ARHGEF10: variants seen among roughly 807,000 people sequenced by gnomAD.
ARHGEF10 encodes the protein Rho guanine nucleotide exchange factor 10.
A neutral mutation model predicts 147.4 loss-of-function variants in ARHGEF10; 140 were observed. That is an observed-to-expected ratio of 0.95 (90% CI 0.83 to 1.09). The LOEUF (loss-of-function observed/expected upper bound fraction) is 1.09, where lower values mean the gene tolerates loss of function less well. Ranked by LOEUF, ARHGEF10 falls within the 50% of genes least tolerant of loss-of-function variation. The pLI is 0.00. For synonymous variants in ARHGEF10, 902 were observed against 695.8 expected, an observed-to-expected ratio of 1.30 and a Z score of -4.67; for missense variants, 2,222 against 1,752.7, an observed-to-expected ratio of 1.27 and a Z score of -4.78.
intron 2 of ARHGEF10, among the ~76,000 whole-genome samples, chr8:1,844,393 T>C (rs1804351189): frequency 6.6e-6 from 1 of 152,040 alleles, no homozygotes; most frequent in African/African-American, 2.4e-5. Context: ...CGGGGCCTGG[T>C]AGATGACAGA....
At chr8:1,915,643 G>C (rs866985263) in intron 18 of ARHGEF10, among the ~76,000 whole-genome samples, 2 of 152,212 alleles carry the variant, frequency 1.3e-5, no homozygotes, top group Admixed American at 1.3e-4. Flanking sequence ...CGCCTTCTCC[G>C]TCACTGTGTC....
chr8:1,830,006 C>T (rs1015587786), intron 1 of ARHGEF10, among the ~76,000 whole-genome samples: 1 of 152,166 alleles, frequency 6.6e-6, no homozygotes, highest in Non-Finnish European at 1.5e-5. Context: ...TTAGGTTCTC[C>T]AGTGTGCAGG....
In ARHGEF10 at chr8:1,855,031, T is replaced by C. The variant is rs74805768; in HGVS notation, c.38-2929T>C. Among the ~76,000 whole-genome samples the C allele has an allele frequency of 6.0e-3, 914 of 152,194 alleles. 3 individuals carry two copies. Among genetic ancestry groups the C allele is most frequent in the Non-Finnish European group, 9.7e-3 (659 of 67,992 alleles). On this transcript the variant is annotated intron_variant, in intron 2 of 28. Transcript: ENST00000349830. ...GCCTCGGTGTCTCCTCAGGGCTGTT[T>C]CCTGCACACACGGGCTCCTGTTCAC...
At chr8:1,838,384 C>CA (rs1193976460) in intron 1 of ARHGEF10, among the ~76,000 whole-genome samples, 1 of 152,200 alleles carries the variant, frequency 6.6e-6, no homozygotes, top group Non-Finnish European at 1.5e-5. Context: ...GCTGCAGAGT[C>CA]ATCCAGGCCA....
At chr8:1,855,305 C>T (rs1206054573) in intron 2 of ARHGEF10, among the ~76,000 whole-genome samples, 1 of 152,140 alleles carries the variant, frequency 6.6e-6, no homozygotes, top group Non-Finnish European at 1.5e-5. Context: ...ATATAAAAAT[C>T]TAGTGTGATT....
chr8:1,956,255 A>G (rs1815556957), intron 28 of ARHGEF10, among the ~76,000 whole-genome samples: 1 of 152,214 alleles, frequency 6.6e-6, no homozygotes, highest in African/African-American at 2.4e-5. Context: ...CCTAATTTTA[A>G]TCAAATTATA....
At chr8:1,918,297 G>A (rs1257258860) in intron 18 of ARHGEF10, among the ~76,000 whole-genome samples, 1 of 152,078 alleles carries the variant, frequency 6.6e-6, no homozygotes, top group African/African-American at 2.4e-5. Context: ...GTGCCCTGAG[G>A]TGCCCTATTA....
At chr8:1,951,642 A>G (rs971273582) in intron 27 of ARHGEF10, among the ~76,000 whole-genome samples, 2 of 152,198 alleles carry the variant, frequency 1.3e-5, no homozygotes, top group Non-Finnish European at 2.9e-5. Flanking sequence ...TTTTATATCT[A>G]CAGAAAAGAA....
At chr8:1,870,461 T>C (rs1240301511) in intron 7 of ARHGEF10, 1 of 152,134 alleles carries the variant, frequency 6.6e-6, no homozygotes, top group Non-Finnish European at 1.5e-5. Context: ...TGCATCCTAT[T>C]GCCAGTAAAA....
chr8:1,928,161 C>T (rs760748116), intron 23 of ARHGEF10, among the ~76,000 whole-genome samples: 18 of 151,990 alleles, frequency 1.2e-4, no homozygotes, highest in Non-Finnish European at 1.5e-5. Flanking sequence ...GTGATGAGTA[C>T]GTGATTTTTA....
At position 1,833,355 on chromosome 8, in the gene ARHGEF10, G is replaced by GACAGAAGC. The variant is rs1803374748; in HGVS notation, c.-48+9243_-48+9244insCAGAAGCA. The stretch of plus-strand genomic sequence containing the variant: ...AGACAGAGGCAGAGACAGAGGCAGA[G>GACAGAAGC]AGAGACAGAGGCAGAGACAGAGGCA... On this transcript the variant is annotated intron_variant, in intron 1 of 28. Transcript: ENST00000349830. Among the ~76,000 whole-genome samples the GACAGAAGC allele has an allele frequency of 6.2e-5, 3 of 48,178 alleles. 1 individual carries two copies. The highest frequency in any genetic ancestry group is 0.016 in the Middle Eastern group (1 of 62). 31.6% of individuals were successfully genotyped at this position (48,178 alleles called of 152,430 possible). A position where few individuals can be genotyped will look rare whatever the true frequency, so the allele number is the denominator to read the frequency against.
At chr8:1,853,078 C>T (rs189366363) in intron 2 of ARHGEF10, among the ~76,000 whole-genome samples, 8 of 114,978 alleles carry the variant, frequency 7.0e-5, no homozygotes, top group South Asian at 2.1e-4. Context: ...AGATTTGGGC[C>T]GGGCACTGGC....
At chr8:1,897,148 G>A (rs941443741) in intron 14 of ARHGEF10, among the ~76,000 whole-genome samples, 1 of 152,212 alleles carries the variant, frequency 6.6e-6, no homozygotes, top group Non-Finnish European at 1.5e-5. Context: ...GACAAAGTGT[G>A]TTCTTGTTAC....
intron 28 of ARHGEF10, among the ~76,000 whole-genome samples, 174 bp downstream of exon 28, chr8:1,953,001 A>T (rs1231145012): frequency 6.6e-6 from 1 of 152,270 alleles, no homozygotes; most frequent in East Asian, 1.9e-4. Flanking sequence ...ATCAATTTAT[A>T]TATTTTTCCA....
intron 15 of ARHGEF10, among the ~76,000 whole-genome samples, chr8:1,902,781 C>T (rs1563259961): frequency 2.6e-5 from 4 of 152,176 alleles, no homozygotes; most frequent in Non-Finnish European, 5.9e-5. Context: ...GCATCTTTGC[C>T]GCCCTAAAAT....
intron 26 of ARHGEF10, among the ~76,000 whole-genome samples, chr8:1,941,577 C>T (rs540808350): frequency 1.5e-4 from 22 of 151,676 alleles, no homozygotes; most frequent in Non-Finnish European, 2.6e-4. Flanking sequence ...TAAATTTCTG[C>T]TGCCTTTTTT....
intron 18 of ARHGEF10, among the ~76,000 whole-genome samples, chr8:1,921,342 C>G (rs539411421): frequency 2.0e-5 from 3 of 152,226 alleles, no homozygotes; most frequent in Admixed American, 1.3e-4. Flanking sequence ...TGTATTATAT[C>G]TGTTATATAC....
At chr8:1,877,276 G>A (rs1231312977) in intron 8 of ARHGEF10, among the ~76,000 whole-genome samples, 1 of 152,068 alleles carries the variant, frequency 6.6e-6, no homozygotes, top group African/African-American at 2.4e-5. Flanking sequence ...CTCCCAGGCT[G>A]GAGTGCAATG....
rs954049240 is a variant in ARHGEF10, at chr8:1,928,374, A to C, written c.2698-53A>C. On this transcript the variant is annotated intron_variant, in intron 23 of 28. Coordinates refer to ENST00000349830, the MANE Select transcript of ARHGEF10 (RefSeq NM_014629.4). ...TTTAAGGGTCAGGTTCCAGCGTATT[A>C]TGGAAGCCGCCACATGGTCGTTTTC... 9 of 1,568,998 alleles carry C rather than the reference A, an allele frequency of 5.7e-6. No homozygotes were observed. In the African/African-American group the frequency reaches 8.1e-5, roughly 14 times the overall value.
Sources: gnomAD v4.1 joint callset for allele counts (sites outside exome capture counted in the v4.1 genomes callset) on GRCh38, gnomAD v4.1.1 for gene constraint, MANE v1.5 for transcripts, NCBI Gene and HGNC (gene_info 2026-07-23, HGNC 2026-07-21) for gene names.